Variants in NFATC1 observed in about 807,000 individuals in gnomAD.
NFATC1 encodes nuclear factor of activated T-cells, cytoplasmic 1.
A neutral mutation model predicts 76.0 loss-of-function variants in NFATC1; 22 were observed. That is an observed-to-expected ratio of 0.29 (90% CI 0.21 to 0.41). The LOEUF (loss-of-function observed/expected upper bound fraction) is 0.41, where lower values mean the gene tolerates loss of function less well. Among genes scored for constraint, NFATC1 ranks in the 10% least tolerant of loss-of-function variants. The pLI is 1.00. For synonymous variants in NFATC1, 704 were observed against 613.1 expected, an observed-to-expected ratio of 1.15 and a Z score of -2.19; for missense variants, 1,357 against 1,337.7, an observed-to-expected ratio of 1.01 and a Z score of -0.23.
chr18:79,408,304 A>G (rs1233607704), intron 1 of NFATC1, among the ~76,000 whole-genome samples: 1 of 152,166 alleles, frequency 6.6e-6, no homozygotes, highest in African/African-American at 2.4e-5. Flanking sequence ...TAGAATTTCC[A>G]TGTGCTTGTT....
intron 3 of NFATC1, among the ~76,000 whole-genome samples, chr18:79,438,837 TGGCCTTGGTG>T (rs2086872304): frequency 6.6e-6 from 1 of 150,618 alleles, no homozygotes. Context: ...GTGCCCACAG[TGGCCTTGGTG>T]GGCCTCTCCT....
At chr18:79,424,070 C>T (rs1363686254) in intron 2 of NFATC1, among the ~76,000 whole-genome samples, 2 of 152,230 alleles carry the variant, frequency 1.3e-5, no homozygotes, top group Non-Finnish European at 2.9e-5. Context: ...AAGGCCTTGT[C>T]TTGGGTCGTG....
intron 8 of NFATC1, among the ~76,000 whole-genome samples, chr18:79,472,252 G>C (rs1045242595): frequency 6.6e-6 from 1 of 152,172 alleles, no homozygotes; most frequent in African/African-American, 2.4e-5. Flanking sequence ...TTCCCAGGCA[G>C]CAGAACCGGC....
rs537844132 is a variant in NFATC1, at chr18:79,455,244, G to C, written c.1903+3428G>C. On this transcript the variant is annotated intron_variant, in intron 6 of 9. Coordinates refer to ENST00000427363, the MANE Select transcript of NFATC1 (RefSeq NM_001278669.2). ...CGCTGCGCGGAAGCCACACTACGAC[G>C]CCGGGGGTGAAGACTCCCACTCCGT... Among the ~76,000 whole-genome samples, 653 of 152,324 alleles carry C rather than the reference G, an allele frequency of 4.3e-3. 6 individuals carry two copies. The highest frequency in any genetic ancestry group is 0.014 in the African/African-American group (583 of 41,580).
intron 9 of NFATC1, among the ~76,000 whole-genome samples, chr18:79,509,926 G>A (rs1259528073): frequency 6.6e-6 from 1 of 152,218 alleles, no homozygotes; most frequent in African/African-American, 2.4e-5. Flanking sequence ...TGAGCTCACA[G>A]GCTGCTTCCA....
intron 8 of NFATC1, among the ~76,000 whole-genome samples, chr18:79,483,662 A>ACTCTG (rs2089397253): frequency 1.8e-5 from 2 of 113,652 alleles, no homozygotes; most frequent in African/African-American, 7.2e-5. Context: ...GTGTAATTCC[A>ACTCTG]GCGTGACCTT....
chr18:79,491,857 T>C (rs2089689712), intron 9 of NFATC1, among the ~76,000 whole-genome samples: 1 of 151,704 alleles, frequency 6.6e-6, no homozygotes, highest in Non-Finnish European at 1.5e-5. Context: ...CACCCAGCCA[T>C]GTTTGAGAGG....
At chr18:79,512,842 G>T (rs2090290205) in intron 9 of NFATC1, among the ~76,000 whole-genome samples, 1 of 152,248 alleles carries the variant, frequency 6.6e-6, no homozygotes, top group Admixed American at 6.5e-5. Flanking sequence ...CTGCGGGGAG[G>T]CGCGCTGACG....
chr18:79,487,740 G>A (rs1473294884), intron 9 of NFATC1, among the ~76,000 whole-genome samples: 8 of 152,180 alleles, frequency 5.3e-5, no homozygotes, highest in Admixed American at 4.6e-4. Flanking sequence ...TGTGATCGGG[G>A]CGTGCCCGTG....
chr18:79,441,212 G>A (rs1172423550), intron 3 of NFATC1, among the ~76,000 whole-genome samples: 1 of 152,226 alleles, frequency 6.6e-6, no homozygotes, highest in Non-Finnish European at 1.5e-5. Flanking sequence ...CAGGGCTGTG[G>A]CGCTGCAGGG....
chr18:79,426,526 G>A (rs943648202), intron 2 of NFATC1, among the ~76,000 whole-genome samples: 1 of 152,242 alleles, frequency 6.6e-6, no homozygotes, highest in African/African-American at 2.4e-5. Flanking sequence ...GGCCTGGCAG[G>A]TGTTTCCATT....
In NFATC1 at chr18:79,410,489, C is replaced by T. The variant is rs1242944228; in HGVS notation, c.214C>T (p.Leu72Phe). Residue 72 changes from leucine to phenylalanine, a missense_variant, in exon 2 of 10, where the codon CTT becomes TTT. By Grantham distance (22) the Leu-to-Phe change is conservative. This residue lies in a region of NFATC1 where 691 missense variants were observed against 613.1 expected (regional missense o/e 1.13). Coordinates refer to ENST00000427363, the MANE Select transcript of NFATC1 (RefSeq NM_001278669.2). This position sits in a 1 kb window ranked among gnomAD's most constrained non-coding sequence, Gnocchi z 6.7. Reference protein sequence around the residue: ...HSTLPAPCHNLQTSTPGIIPP... With the variant: ...HSTLPAPCHNFQTSTPGIIPP... ...CACCCTGCCGGCCCCGTGCCACAAC[C>T]TTCAGACCTCCACACCGGGCATCAT... The T allele has an allele frequency of 2.5e-6, 4 of 1,612,364 alleles. No homozygotes were observed. Among genetic ancestry groups the T allele is most frequent in the Non-Finnish European group, 3.4e-6 (4 of 1,179,922 alleles).
intron 2 of NFATC1, among the ~76,000 whole-genome samples, chr18:79,423,377 G>A (rs139202376): frequency 6.6e-6 from 1 of 152,334 alleles, no homozygotes; most frequent in East Asian, 1.9e-4. Context: ...GTCTGGGGAC[G>A]GAGGCTGCCC....
At chr18:79,510,629 A>C (rs1034490119) in intron 9 of NFATC1, among the ~76,000 whole-genome samples, 1 of 152,160 alleles carries the variant, frequency 6.6e-6, no homozygotes, top group Non-Finnish European at 1.5e-5. Context: ...TGAGGTTTGA[A>C]ACCCTGAGGA....
chr18:79,463,156 G>A (rs533931072), intron 7 of NFATC1, among the ~76,000 whole-genome samples: 1 of 152,316 alleles, frequency 6.6e-6, no homozygotes, highest in East Asian at 1.9e-4. Context: ...GGCCCTGGGT[G>A]AAGTGAGCTC....
intron 9 of NFATC1, chr18:79,497,148 C>T (rs922260781): frequency 6.6e-6 from 1 of 152,276 alleles, no homozygotes; most frequent in Non-Finnish European, 1.5e-5. Context: ...TTTGCTAAGG[C>T]ACGTTTCCAT....
At chr18:79,497,112 G>A (rs1015305636) in intron 9 of NFATC1, 1 of 152,274 alleles carries the variant, frequency 6.6e-6, no homozygotes, top group Admixed American at 6.5e-5. Context: ...CATGGTGTCT[G>A]TTTTTCTTCA....
intron 2 of NFATC1, among the ~76,000 whole-genome samples, chr18:79,414,867 G>T (rs2085823365): frequency 1.3e-5 from 2 of 152,238 alleles, no homozygotes; most frequent in South Asian, 4.1e-4. Flanking sequence ...GCGTTGCCGG[G>T]CTGCGTCTGG....
At chr18:79,456,656 C>T (rs956373820) in intron 6 of NFATC1, among the ~76,000 whole-genome samples, 1 of 152,244 alleles carries the variant, frequency 6.6e-6, no homozygotes, top group Non-Finnish European at 1.5e-5. Context: ...TGCTGTCCCT[C>T]CTCTGTCCCT....
Sources: allele counts gnomAD v4.1 joint callset (sites outside exome capture counted in the v4.1 genomes callset), GRCh38; gene constraint gnomAD v4.1.1; regional missense constraint gnomAD v4.1.1; non-coding constraint Gnocchi (gnomAD v3.1); transcripts MANE v1.5; gene names NCBI Gene and HGNC (gene_info 2026-07-23, HGNC 2026-07-21).